MYO15A: variants seen among roughly 807,000 people sequenced by gnomAD.
The protein encoded by MYO15A is myosin XVA.
MYO15A carries 308 observed loss-of-function variants against 394.6 expected under a neutral mutation model. The observed-to-expected ratio is 0.78, with a 90% CI of 0.71 to 0.86. The LOEUF (loss-of-function observed/expected upper bound fraction) is 0.86. Ranked by LOEUF, MYO15A falls within the 40% of genes least tolerant of loss-of-function variation. The pLI is 0.00. For missense variants in MYO15A, 4,606 were observed against 4,799.1 expected, an observed-to-expected ratio of 0.96 and a Z score of 1.19; for synonymous variants, 1,957 against 2,003.8, an observed-to-expected ratio of 0.98 and a Z score of 0.62.
Position 18,150,690 on chromosome 17 carries a change from C to A in MYO15A, c.7328-8C>A, listed in dbSNP as rs775529969. ...GTGCCATCTGTGCCTTCTGCCCCCT[C>A]CCCTCAGTCCCAGGCCTGGATGCCT... On this transcript the variant is annotated splice_polypyrimidine_tract_variant and splice_region_variant and intron_variant, in intron 36 of 65. Transcript: ENST00000647165. The surrounding 1 kb of genome is among the most constrained non-coding windows in gnomAD (Gnocchi z 4.4). 1 of 1,589,452 alleles carries A rather than the reference C, an allele frequency of 6.3e-7. No homozygotes were observed. The highest frequency in any genetic ancestry group is 1.3e-5 in the African/African-American group (1 of 74,374).
chr17:18,133,148 G>C, intron 11 of MYO15A, 77 bp from the exon 12 acceptor site: 1 of 1,498,766 alleles, frequency 6.7e-7, no homozygotes, highest in Non-Finnish European at 9.2e-7. Flanking sequence ...CACACTACTG[G>C]TCAGGGCAGA....
intron 50 of MYO15A, 60 bp from the exon 51 acceptor site, chr17:18,157,662 A>AC (rs1488527921): frequency 1.9e-6 from 3 of 1,597,142 alleles, no homozygotes; most frequent in East Asian, 4.5e-5. Flanking sequence ...TCCCTAAAGG[A>AC]CCCCCTTAGT....
In MYO15A at chr17:18,119,346, G is replaced by GC; in HGVS notation, c.548dup (p.Gly184TrpfsTer44). 1 of 1,609,242 alleles carries GC rather than the reference G, an allele frequency of 6.2e-7. No individual in the cohort carries two copies. The highest frequency in any genetic ancestry group is 8.5e-7 in the Non-Finnish European group (1 of 1,179,156). On this transcript the variant is annotated frameshift_variant, in exon 2 of 66. Coordinates refer to ENST00000647165, the MANE Select transcript of MYO15A (RefSeq NM_016239.4). LOFTEE classifies it high-confidence loss of function. ...TCCCGTCGGGTGCCGAGATCCTGCGGCCTGGGGGCCGGCTCCGGAGGTTCC... is the reference window on the plus strand; with the variant it reads ...TCCCGTCGGGTGCCGAGATCCTGCGGCCCTGGGGGCCGGCTCCGGAGGTTCC...
rs2046517405 is a variant in MYO15A, at chr17:18,148,379, G to A, written c.6692-117G>A. ...GGGTGGGACCTGGCCCAGGAAAGGG[G>A]AGCCAGGGAAGTGAGGCTACAGATA... is the stretch of plus-strand genomic sequence containing the variant. On this transcript the variant is annotated intron_variant, in intron 31 of 65. Transcript: ENST00000647165. The surrounding 1 kb of genome is among the most constrained non-coding windows in gnomAD (Gnocchi z 4.8). 6.8e-7 allele frequency: 1 copy of A among 1,467,716 alleles called. No individual in the cohort carries two copies. The highest frequency in any genetic ancestry group is 1.2e-5 in the South Asian group (1 of 82,086). The allele number at this position is 1,467,716 out of a possible 1,614,324, so 90.9% of individuals were successfully genotyped here.
In MYO15A at chr17:18,142,253, A is replaced by G; in HGVS notation, c.5824A>G (p.Arg1942Gly). 2 of 1,611,950 alleles carry G rather than the reference A, an allele frequency of 1.2e-6. No individual in the cohort carries two copies. Among genetic ancestry groups the G allele is most frequent in the Non-Finnish European group, 8.5e-7 (1 of 1,179,680 alleles). The change falls in exon 24 of 66, where the codon AGG becomes GGG. Residue 1942 changes from arginine (R) to glycine (G), a missense_variant and splice_region_variant. Physicochemically the swap from Arg to Gly is moderately radical, Grantham distance 125 (BLOSUM62 -2). Transcript: ENST00000647165. Reference protein sequence around the residue: ...LQSRARGYLARQRYQQMRRSL... With the variant: ...LQSRARGYLAGQRYQQMRRSL... The stretch of plus-strand genomic sequence containing the variant: ...AAGCCGGGCCCGTGGCTACCTTGCC[A>G]GGTGAGGCACAGAAAAGGCAGGATT...
Position 18,133,258 on chromosome 17 carries a change from G to A in MYO15A, c.4354G>A (p.Ala1452Thr), listed in dbSNP as rs752313077. 4.3e-6 allele frequency: 7 copies of A among 1,614,088 alleles called. No homozygotes were observed. Among genetic ancestry groups the A allele is most frequent in the Non-Finnish European group, 5.1e-6 (6 of 1,180,038 alleles). The change falls in exon 12 of 66, where the codon GCA becomes ACA. Residue 1452 changes from alanine (A) to threonine (T), a missense_variant. Ala to Thr is a moderately conservative substitution (Grantham distance 58). Around this residue, in one of 2 missense-constraint regions of MYO15A, gnomAD observed 2,776 missense variants for 3,109.3 expected, o/e 0.89. Transcript: ENST00000647165. Reference sequence around the variant, plus strand: ...CTGTGAGATAGCAGGAAAGAGCGATGCAGATGACTTTCGCCGGCTCCTGGC... The same window carrying A: ...CTGTGAGATAGCAGGAAAGAGCGATACAGATGACTTTCGCCGGCTCCTGGC... ...GNCEIAGKSD[A>T]DDFRRLLAAM...
At chr17:18,144,214 A>G (rs1280574906) in intron 28 of MYO15A, among the ~76,000 whole-genome samples, 1 of 152,236 alleles carries the variant, frequency 6.6e-6, no homozygotes, top group Admixed American at 6.5e-5. Flanking sequence ...TTTACCACCA[A>G]CCAGTCTGGA....
intron 60 of MYO15A, among the ~76,000 whole-genome samples, chr17:18,165,791 T>C (rs1044236895): frequency 3.9e-5 from 6 of 152,198 alleles, no homozygotes; most frequent in Non-Finnish European, 8.8e-5. Flanking sequence ...TAGTAAGATT[T>C]TACTGCAGGT....
intron 64 of MYO15A, chr17:18,172,559 G>T: frequency 1.9e-6 from 1 of 521,004 alleles, no homozygotes; most frequent in Non-Finnish European, 3.5e-6. Context: ...TGTGTGCTTA[G>T]GCTGCCATAA....
At position 18,149,315 on chromosome 17, in the gene MYO15A, C is replaced by T. The variant is rs769742261; in HGVS notation, c.7056C>T (p.Ser2352=). ...TACTTGACTCTGATGGGTACAGCAG[C>T]CACAATCAGGACGGTACAAATGGGG... ...PKVLDSDGYS[S]HNQDGTNGET... The change falls in exon 34 of 66, where the codon AGC becomes AGT. Residue 2352 remains serine (S), a synonymous_variant. Coordinates refer to ENST00000647165, the MANE Select transcript of MYO15A (RefSeq NM_016239.4). 1 of 1,613,006 alleles carries T rather than the reference C, an allele frequency of 6.2e-7. No individual in the cohort carries two copies. Among genetic ancestry groups the T allele is most frequent in the Non-Finnish European group, 8.5e-7 (1 of 1,179,332 alleles).
At chr17:18,152,992 G>C (rs968736589) in intron 42 of MYO15A, among the ~76,000 whole-genome samples, 6 of 152,236 alleles carry the variant, frequency 3.9e-5, no homozygotes, top group Non-Finnish European at 8.8e-5. Context: ...GGCAGTGAGA[G>C]CTTTGTTTCT....
chr17:18,125,363 G>A, intron 4 of MYO15A, 132 bp downstream of exon 4: 1 of 903,040 alleles, frequency 1.1e-6, no homozygotes, highest in South Asian at 1.3e-5. Flanking sequence ...CCAGAGCCTA[G>A]AACTAAAATC....
At chr17:18,158,187 T>G in intron 51 of MYO15A, 1 of 583,498 alleles carries the variant, frequency 1.7e-6, no homozygotes. Flanking sequence ...GCCCGCCAGT[T>G]GGTGAAGTCT....
At chr17:18,125,562 G>C (rs567534767) in intron 4 of MYO15A, 50 of 349,352 alleles carry the variant, frequency 1.4e-4, no homozygotes, top group African/African-American at 1.0e-3. Context: ...AATTAGCCAG[G>C]TGTAGGTGGT....
At chr17:18,160,139 C>T in intron 56 of MYO15A, 122 bp downstream of exon 56, 6 of 927,000 alleles carry the variant, frequency 6.5e-6, no homozygotes, top group Non-Finnish European at 1.0e-5. Flanking sequence ...TCACCCTCAT[C>T]CTCACTCAAT....
intron 55 of MYO15A, 67 bp downstream of exon 55, chr17:18,159,746 A>G (rs138615455): frequency 7.3e-5 from 114 of 1,566,130 alleles, no homozygotes; most frequent in East Asian, 1.6e-4. Context: ...CCATCTATCA[A>G]TGAGTCACAG....
intron 65 of MYO15A, among the ~76,000 whole-genome samples, chr17:18,174,346 G>A (rs2046983687): frequency 6.6e-6 from 1 of 152,138 alleles, no homozygotes. Context: ...GGTGAAACAG[G>A]CACCGTGGCT....
intron 1 of MYO15A, among the ~76,000 whole-genome samples, chr17:18,111,341 G>A (rs1473969644): frequency 1.3e-4 from 16 of 119,002 alleles, no homozygotes; most frequent in African/African-American, 2.1e-4. Context: ...TCTCAAAAGA[G>A]AAAAAAAAAA....
intron 3 of MYO15A, chr17:18,124,919 G>A (rs2046005246): frequency 1.7e-6 from 1 of 598,146 alleles, no homozygotes; most frequent in East Asian, 2.8e-5. Context: ...TCTAATCACA[G>A]TGATTACGTA....
Sources: gnomAD v4.1 joint callset for allele counts (sites outside exome capture counted in the v4.1 genomes callset) on GRCh38, gnomAD v4.1.1 for gene constraint, gnomAD v4.1.1 regional missense constraint, Gnocchi (gnomAD v3.1) non-coding constraint, MANE v1.5 for transcripts, NCBI Gene and HGNC (gene_info 2026-07-23, HGNC 2026-07-21) for gene names.